The following RNF141 variants were observed in gnomAD, a reference collection of about 807,000 sequenced individuals.
RNF141 encodes the protein ring finger protein 141, also known as C3HC4-like zinc finger protein.
Under a neutral mutation model 27.4 loss-of-function variants are expected in RNF141, and 18 were observed. The ratio of observed to expected loss-of-function variants is 0.66; its 90% CI spans 0.45 to 0.97. The LOEUF is 0.97. RNF141 is among the 50% of genes least tolerant of loss of function. RNF141 has a pLI of 0.00. For synonymous variants in RNF141, 97 were observed against 96.6 expected (o/e 1.00, Z -0.02); for missense variants, 230 against 279.4 (o/e 0.82, Z 1.26).
intron 1 of RNF141, 59 bp from the exon 2 acceptor site, chr11:10,534,264 T>C (rs1850015050): frequency 3.2e-6 from 4 of 1,240,438 alleles, no homozygotes; most frequent in Non-Finnish European, 4.5e-6. Flanking sequence ...AATATACTCA[T>C]TCTTCAAAAA....
intron 3 of RNF141, among the ~76,000 whole-genome samples, chr11:10,526,521 T>A (rs1015693363): frequency 1.6e-4 from 24 of 152,292 alleles, no homozygotes; most frequent in African/African-American, 5.5e-4. Context: ...CGGTGGCTCA[T>A]GCTTGTAATC....
chr11:10,534,025 A>G lies in RNF141; in HGVS notation c.134T>C (p.Leu45Pro). 6.2e-7 allele frequency: 1 copy of G among 1,613,240 alleles called. No individual in the cohort carries two copies. The highest frequency in any genetic ancestry group is 8.5e-7 in the Non-Finnish European group (1 of 1,179,534). The change falls in exon 2 of 6, where the codon CTT becomes CCT. Residue 45 changes from leucine (L) to proline (P), a missense_variant. Leu to Pro is a moderately conservative substitution (Grantham distance 98). Transcript: ENST00000265981. ...YEEFLGRVAE[L>P]NDVTAKVASG... ...AAAGAGCAAGCCTTACACATCATTA[A>G]GCTCAGCTACTCTCCCAAGAAATTC... is the stretch of plus-strand genomic sequence containing the variant.
chr11:10,514,517 C>T lies in RNF141; in HGVS notation c.*399G>A, dbSNP rs1849827469. 3 of 155,468 alleles carry T rather than the reference C, an allele frequency of 1.9e-5. No homozygotes were observed. In the South Asian group the frequency reaches 6.2e-4, roughly 32 times the overall value. 9.6% of individuals were successfully genotyped at this position (155,468 alleles called of 1,614,324 possible). A position where few individuals can be genotyped will look rare whatever the true frequency, so the allele number is the denominator to read the frequency against. On this transcript the variant is annotated 3_prime_UTR_variant, in exon 6 of 6. Coordinates refer to ENST00000265981, the MANE Select transcript of RNF141 (RefSeq NM_016422.4). ...TTCAGTCACTTAAACTTTCCTCTCTCAGATGGCTACAACTTTTTAATATTC... is the reference window on the plus strand; with the variant it reads ...TTCAGTCACTTAAACTTTCCTCTCTTAGATGGCTACAACTTTTTAATATTC...
At chr11:10,537,698 ATAG>A (rs1850050650) in intron 1 of RNF141, among the ~76,000 whole-genome samples, 1 of 152,376 alleles carries the variant, frequency 6.6e-6, no homozygotes, top group South Asian at 2.1e-4. Flanking sequence ...AAAAGCTTAC[ATAG>A]TAGATTGGAC....
intron 3 of RNF141, among the ~76,000 whole-genome samples, chr11:10,527,654 G>GGT: frequency 6.9e-6 from 1 of 144,166 alleles, no homozygotes; most frequent in African/African-American, 2.6e-5. Flanking sequence ...ACGGGGGGGG[G>GGT]TTTTGAGCCA....
At chr11:10,536,500 A>C (rs1209552105) in intron 1 of RNF141, among the ~76,000 whole-genome samples, 2 of 152,230 alleles carry the variant, frequency 1.3e-5, no homozygotes, top group Non-Finnish European at 2.9e-5. Context: ...AGACTAAAAC[A>C]GACACTTACA....
chr11:10,540,223 C>G (rs1850083282), intron 1 of RNF141, among the ~76,000 whole-genome samples: 1 of 152,064 alleles, frequency 6.6e-6, no homozygotes, highest in African/African-American at 2.4e-5. Flanking sequence ...CGAATAAATT[C>G]GTGCTGAAGA....
rs568739841 is a variant in RNF141 at position 10,530,768 on chromosome 11, A to G, written c.144-17T>C. On this transcript the variant is annotated splice_polypyrimidine_tract_variant and intron_variant, in intron 2 of 5. Coordinates refer to ENST00000265981, the MANE Select transcript of RNF141 (RefSeq NM_016422.4). ...TTAGCCGTTCTGAAAAGAGACAAGA[A>G]CATGTTAATTTTATGAAAAATCATA... 3.1e-5 allele frequency: 47 copies of G among 1,497,328 alleles called. No homozygotes were observed. In the Middle Eastern group the frequency reaches 1.6e-3, roughly 50 times the overall value. 92.8% of individuals were successfully genotyped at this position (1,497,328 alleles called of 1,614,324 possible).
At chr11:10,532,537 A>ACACACACACC (rs777997279) in intron 2 of RNF141, among the ~76,000 whole-genome samples, 6 of 94,986 alleles carry the variant, frequency 6.3e-5, no homozygotes, top group East Asian at 5.1e-4. Context: ...ACACACACAC[A>ACACACACACC]CCCCACAACT....
intron 3 of RNF141, among the ~76,000 whole-genome samples, chr11:10,528,690 T>C (rs1403919000): frequency 6.6e-6 from 1 of 152,144 alleles, no homozygotes; most frequent in African/African-American, 2.4e-5. Flanking sequence ...ACTGTGTCAA[T>C]AAACAAGGAA....
Position 10,512,048 on chromosome 11 carries a change from A to G in RNF141, c.*2868T>C, listed in dbSNP as rs996830472. The G allele has an allele frequency of 1.1e-4, 17 of 152,774 alleles. No individual in the cohort carries two copies. Among genetic ancestry groups the G allele is most frequent in the Middle Eastern group, 6.8e-3 (2 of 294 alleles). The allele number at this position is 152,774 out of a possible 1,614,324, so 9.5% of individuals were successfully genotyped here. On this transcript the variant is annotated 3_prime_UTR_variant, in exon 6 of 6. Coordinates refer to ENST00000265981, the MANE Select transcript of RNF141 (RefSeq NM_016422.4). ...ATAGTAAAATTCATTTTCTCAAACT[A>G]AGGTTCTATACATAATCGGAGTAAA...
intron 5 of RNF141, chr11:10,517,369 G>T (rs1242913264): frequency 6.6e-6 from 1 of 152,074 alleles, no homozygotes; most frequent in Non-Finnish European, 1.5e-5. Flanking sequence ...AATAGCACCA[G>T]TGAGCTGTGA....
intron 4 of RNF141, among the ~76,000 whole-genome samples, chr11:10,524,286 G>A (rs1849913281): frequency 6.6e-6 from 1 of 152,098 alleles, no homozygotes; most frequent in Non-Finnish European, 1.5e-5. Context: ...GTGGTGGCGG[G>A]CGCCTGTAGT....
chr11:10,531,387 A>AAAC (rs386373088), intron 2 of RNF141, among the ~76,000 whole-genome samples: 1 of 151,448 alleles, frequency 6.6e-6, no homozygotes, highest in East Asian at 1.9e-4. Flanking sequence ...AAAAAAAAAA[A>AAAC]AGGTTAGCTA....
At chr11:10,528,659 T>TA (rs1336711337) in intron 3 of RNF141, among the ~76,000 whole-genome samples, 1 of 152,196 alleles carries the variant, frequency 6.6e-6, no homozygotes, top group Non-Finnish European at 1.5e-5. Flanking sequence ...AAATGAACAT[T>TA]AAGTGTAATT....
intron 5 of RNF141, 102 bp from the exon 6 acceptor site, chr11:10,515,168 A>G (rs953651647): frequency 1.1e-5 from 14 of 1,259,790 alleles, no homozygotes; most frequent in African/African-American, 4.6e-5. Flanking sequence ...AGGAAATAGC[A>G]TAGAAATATA....
chr11:10,527,646 G>A (rs1035660296), intron 3 of RNF141, among the ~76,000 whole-genome samples: 7 of 16,292 alleles, frequency 4.3e-4, no homozygotes, highest in Admixed American at 4.2e-3. Context: ...GAGAAGTCAC[G>A]GGGGGGGGTT....
intron 3 of RNF141, among the ~76,000 whole-genome samples, chr11:10,528,066 T>C (rs565266249): frequency 6.6e-6 from 1 of 152,354 alleles, no homozygotes; most frequent in East Asian, 1.9e-4. Context: ...TCTAATATTA[T>C]TTCCATAAAA....
intron 1 of RNF141, among the ~76,000 whole-genome samples, chr11:10,534,654 A>G (rs1321047763): frequency 1.3e-5 from 2 of 152,152 alleles, no homozygotes; most frequent in Non-Finnish European, 2.9e-5. Context: ...GAGGTAGACA[A>G]TATTACACCC....
Sources: gnomAD v4.1 joint callset for allele counts (sites outside exome capture counted in the v4.1 genomes callset) on GRCh38, gnomAD v4.1.1 for gene constraint, MANE v1.5 for transcripts, NCBI Gene and HGNC (gene_info 2026-07-23, HGNC 2026-07-21) for gene names.